The following ZNF516 variants were observed in gnomAD, a reference collection of about 807,000 sequenced individuals.
ZNF516 encodes the protein zinc finger protein 516.
ZNF516 carries 19 observed loss-of-function variants against 79.7 expected under a neutral mutation model. The observed-to-expected ratio is 0.24, with a 90% CI of 0.17 to 0.35. The LOEUF (loss-of-function observed/expected upper bound fraction) is 0.35, where lower values mean the gene tolerates loss of function less well. Ranked by LOEUF, ZNF516 falls within the 10% of genes least tolerant of loss-of-function variation. The probability of loss-of-function intolerance (pLI) is 1.00; values close to 1 mark genes in which losing one functional copy is unlikely to be tolerated. For synonymous variants in ZNF516, 877 were observed against 739.5 expected, an observed-to-expected ratio of 1.19 and a Z score of -3.02; for missense variants, 1,678 against 1,679.5, an observed-to-expected ratio of 1.00 and a Z score of 0.02.
chr18:76,434,557 T>C (rs1032967665), intron 3 of ZNF516, among the ~76,000 whole-genome samples: 32 of 152,200 alleles, frequency 2.1e-4, no homozygotes, highest in African/African-American at 6.3e-4. Flanking sequence ...AGTAACTTCC[T>C]ACGTGGCAGG....
At chr18:76,481,515 G>A (rs1914521410) in intron 1 of ZNF516, among the ~76,000 whole-genome samples, 1 of 152,130 alleles carries the variant, frequency 6.6e-6, no homozygotes, top group African/African-American at 2.4e-5. Context: ...GACCAGGGTC[G>A]GACACTCAAG....
At chr18:76,460,857 T>C (rs1405464614) in intron 2 of ZNF516, among the ~76,000 whole-genome samples, 1 of 152,224 alleles carries the variant, frequency 6.6e-6, no homozygotes, top group Non-Finnish European at 1.5e-5. Context: ...ACTTAACCCT[T>C]TGTTTTTCCA....
chr18:76,377,712 G>GT (rs1344595134), intron 4 of ZNF516, among the ~76,000 whole-genome samples: 4 of 134,840 alleles, frequency 3.0e-5, no homozygotes, highest in African/African-American at 7.8e-5. Flanking sequence ...GGCTTACAAC[G>GT]TTATTTTTTT....
chr18:76,480,513 A>C (rs1914454588), intron 1 of ZNF516, among the ~76,000 whole-genome samples: 1 of 75,820 alleles, frequency 1.3e-5, no homozygotes, highest in African/African-American at 9.2e-5. Flanking sequence ...ACACACACAC[A>C]CACACACACA....
chr18:76,441,079 G>A (rs2075811276), intron 3 of ZNF516, among the ~76,000 whole-genome samples, 166 bp downstream of exon 3: 1 of 152,202 alleles, frequency 6.6e-6, no homozygotes, highest in African/African-American at 2.4e-5. Flanking sequence ...CCACCCGGGT[G>A]TGGAGTCCTG....
At chr18:76,398,103 T>C (rs1197239219) in intron 3 of ZNF516, among the ~76,000 whole-genome samples, 1 of 152,210 alleles carries the variant, frequency 6.6e-6, no homozygotes, top group Admixed American at 6.5e-5. Context: ...TCCAGAAACC[T>C]GGAATTTACT....
At chr18:76,476,479 A>T (rs1236120198) in intron 1 of ZNF516, among the ~76,000 whole-genome samples, 1 of 152,240 alleles carries the variant, frequency 6.6e-6, no homozygotes, top group Non-Finnish European at 1.5e-5. Context: ...CCAGCAAAAA[A>T]AGTGTCCACA....
Position 76,430,109 on chromosome 18 carries a change from C to A in ZNF516, c.1810+11136G>T, listed in dbSNP as rs780577417. Among the ~76,000 whole-genome samples, 154 of 152,160 alleles carry A rather than the reference C, an allele frequency of 1.0e-3. 3 individuals are homozygous for A. The highest frequency in any genetic ancestry group is 2.6e-4 in the Non-Finnish European group (18 of 68,042). On this transcript the variant is annotated intron_variant, in intron 3 of 6. Coordinates refer to ENST00000443185, the MANE Select transcript of ZNF516 (RefSeq NM_014643.4). Reference sequence around the variant, plus strand: ...CACCTTCTGGGGGCACCTTTAACTGCATTTCAAGGTTCTTACCAACACATC... The same window carrying A: ...CACCTTCTGGGGGCACCTTTAACTGAATTTCAAGGTTCTTACCAACACATC...
At chr18:76,461,444 G>A (rs1359276192) in intron 2 of ZNF516, among the ~76,000 whole-genome samples, 7 of 152,120 alleles carry the variant, frequency 4.6e-5, no homozygotes, top group Admixed American at 3.3e-4. Context: ...GGGGACCAGC[G>A]TCTCCACACA....
At chr18:76,381,047 C>G (rs757563787) in intron 3 of ZNF516, among the ~76,000 whole-genome samples, 3 of 152,188 alleles carry the variant, frequency 2.0e-5, no homozygotes, top group Non-Finnish European at 4.4e-5. Flanking sequence ...CCCTGATGGT[C>G]GGACCTTGAC....
At chr18:76,444,205 C>G (rs747111943) in intron 2 of ZNF516, among the ~76,000 whole-genome samples, 1 of 152,172 alleles carries the variant, frequency 6.6e-6, no homozygotes, top group Non-Finnish European at 1.5e-5. Context: ...TGAGAGATGT[C>G]GAGTCTCTCA....
chr18:76,452,862 G>A (rs565368637), intron 2 of ZNF516, among the ~76,000 whole-genome samples: 13 of 152,104 alleles, frequency 8.5e-5, no homozygotes, highest in Middle Eastern at 3.2e-3. Flanking sequence ...GGAAGGATAC[G>A]GAAATTTTCT....
intron 4 of ZNF516, among the ~76,000 whole-genome samples, chr18:76,371,829 G>A (rs931143089): frequency 6.6e-5 from 10 of 152,346 alleles, no homozygotes; most frequent in Non-Finnish European, 1.0e-4. Flanking sequence ...GGAGGTGCCC[G>A]CCAGGCAGCA....
rs1226290035 is a variant in ZNF516 at position 76,362,380 on chromosome 18, G to A, written c.*118C>T. ...CTCGGGATGTGAGGTGTCTGCTCAG[G>A]AGTTCCCCGGCTGTTCTTCCATGGA... On this transcript the variant is annotated 3_prime_UTR_variant, in exon 7 of 7. Coordinates refer to ENST00000443185, the MANE Select transcript of ZNF516 (RefSeq NM_014643.4). 4 of 954,934 alleles carry A rather than the reference G, an allele frequency of 4.2e-6. No homozygotes were observed. The East Asian group carries it at 8.0e-5, about 19-fold the overall frequency. 59.2% of individuals were successfully genotyped at this position (954,934 alleles called of 1,614,324 possible).
chr18:76,401,765 GCTCCATCTCTCCACCAACCACACCC>G (rs1568261816), intron 3 of ZNF516, among the ~76,000 whole-genome samples: 12 of 143,704 alleles, frequency 8.4e-5, no homozygotes, highest in African/African-American at 2.5e-4. Flanking sequence ...ACACCCCCGC[GCTCCATCTCTCCACCAACCACACCC>G]CCGCGCCGCA....
chr18:76,472,306 G>A (rs535085692), intron 1 of ZNF516, among the ~76,000 whole-genome samples: 1 of 152,150 alleles, frequency 6.6e-6, no homozygotes, highest in Admixed American at 6.5e-5. Flanking sequence ...TCAGCTCTTG[G>A]CTACCACCCA....
At position 76,379,697 on chromosome 18, in the gene ZNF516, T is replaced by G; in HGVS notation, c.2417A>C (p.Asn806Thr). 1 of 1,613,666 alleles carries G rather than the reference T, an allele frequency of 6.2e-7. No homozygotes were observed. The highest frequency in any genetic ancestry group is 8.5e-7 in the Non-Finnish European group (1 of 1,179,880). ...TCCGCTCCGGGAAAGGAAAACCAAATTGCTTCTGATGCTTTTGTAACCATT... is the reference window on the plus strand; with the variant it reads ...TCCGCTCCGGGAAAGGAAAACCAAAGTGCTTCTGATGCTTTTGTAACCATT... Reference protein sequence around the residue: ...QPNGYKSIRSNLVFLSRSGRT... With the variant: ...QPNGYKSIRSTLVFLSRSGRT... The change falls in exon 4 of 7, where the codon AAT (asparagine) becomes ACT (threonine). Residue 806 changes from asparagine to threonine, a missense_variant. Physicochemically the swap from Asn to Thr is moderately conservative, Grantham distance 65 (BLOSUM62 0). Transcript: ENST00000443185.
At chr18:76,410,822 A>C (rs1047970984) in intron 3 of ZNF516, among the ~76,000 whole-genome samples, 1 of 152,186 alleles carries the variant, frequency 6.6e-6, no homozygotes, top group Non-Finnish European at 1.5e-5. Context: ...AATCAGCAGC[A>C]ATCTCCCGGG....
chr18:76,440,728 GTGTGTGTGTGTGTT>G lies in ZNF516; in HGVS notation c.1810+503_1810+516del, dbSNP rs1568293103. Among the ~76,000 whole-genome samples the G allele has an allele frequency of 3.0e-4, 26 of 85,266 alleles. 1 individual carries two copies. The highest frequency in any genetic ancestry group is 1.9e-4 in the African/African-American group (5 of 25,690). The allele number at this position is 85,266 out of a possible 152,430, so 55.9% of individuals were successfully genotyped here. A position where few individuals can be genotyped will look rare whatever the true frequency, so the allele number is the denominator to read the frequency against. ...CTACCCAGCTGGAGTGGAGGAAAGT[GTGTGTGTGTGTGTT>G]TGTGTGTGTGTGTGTGTGTGCGCGC... On this transcript the variant is annotated intron_variant, in intron 3 of 6. Transcript: ENST00000443185.
Sources: allele counts gnomAD v4.1 joint callset (sites outside exome capture counted in the v4.1 genomes callset), GRCh38; gene constraint gnomAD v4.1.1; transcripts MANE v1.5; gene names NCBI Gene and HGNC (gene_info 2026-07-23, HGNC 2026-07-21).